The following CAMK2G variants were observed in gnomAD, a reference collection of about 807,000 sequenced individuals.
CAMK2G encodes calcium/calmodulin-dependent protein kinase type II subunit gamma.
Under a neutral mutation model 88.7 loss-of-function variants are expected in CAMK2G, and 23 were observed. The ratio of observed to expected loss-of-function variants is 0.26; its 90% CI spans 0.19 to 0.37. The LOEUF is 0.37. Ranked by LOEUF, CAMK2G falls within the 10% of genes least tolerant of loss-of-function variation. CAMK2G has a pLI of 1.00. For synonymous variants in CAMK2G, 263 were observed against 294.8 expected, an observed-to-expected ratio of 0.89 and a Z score of 1.11; for missense variants, 476 against 780.8, an observed-to-expected ratio of 0.61 and a Z score of 4.65.
chr10:73,839,706 C>T lies in CAMK2G; in HGVS notation c.947-105G>A. The stretch of plus-strand genomic sequence containing the variant: ...GCGCAGCCCAGGCGGCGTGGCCAAG[C>T]CAGCCGAGCTGGGGGAGCGGAGCGC... On this transcript the variant is annotated intron_variant, in intron 12 of 22. Coordinates refer to ENST00000423381, the MANE Select transcript of CAMK2G (RefSeq NM_001367534.1). The surrounding 1 kb of genome is among the most constrained non-coding windows in gnomAD (Gnocchi z 4.2). 1.6e-6 allele frequency: 1 copy of T among 642,928 alleles called. No individual in the cohort carries two copies. The allele number at this position is 642,928 out of a possible 1,614,324, so 39.8% of individuals were successfully genotyped here. A position where few individuals can be genotyped will look rare whatever the true frequency, so the allele number is the denominator to read the frequency against.
intron 14 of CAMK2G, among the ~76,000 whole-genome samples, chr10:73,835,910 C>T (rs1307024545): frequency 1.3e-5 from 2 of 152,212 alleles, no homozygotes. Flanking sequence ...TCTTGGCTCA[C>T]TGCAACCTCC....
intron 21 of CAMK2G, chr10:73,816,616 C>T (rs12262650): frequency 1.3e-5 from 8 of 615,072 alleles, no homozygotes; most frequent in African/African-American, 9.7e-5. Flanking sequence ...ACCGCCACCA[C>T]GCCCGGCTAA....
At position 73,824,322 on chromosome 10, in the gene CAMK2G, A is replaced by C. The variant is rs148181023; in HGVS notation, c.1156-238T>G. On this transcript the variant is annotated intron_variant, in intron 16 of 22. Transcript: ENST00000423381. The stretch of plus-strand genomic sequence containing the variant: ...TAAGAAAGAGAGGCCTGGCAGGTGC[A>C]GGTGCCCAGGAGGCTGACAGCAAGG... Among the ~76,000 whole-genome samples the C allele has an allele frequency of 6.7e-3, 1,024 of 152,310 alleles. 12 individuals are homozygous for C. The highest frequency in any genetic ancestry group is 0.024 in the African/African-American group (983 of 41,562).
chr10:73,874,375 G>C, intron 1 of CAMK2G, 22 bp downstream of exon 1: 1 of 1,469,632 alleles, frequency 6.8e-7, no homozygotes, highest in African/African-American at 1.5e-5. Flanking sequence ...GCAGGCAGGG[G>C]ACCGCGGCGG....
intron 1 of CAMK2G, 42 bp downstream of exon 1, chr10:73,874,355 G>A (rs1488320115): frequency 2.9e-6 from 4 of 1,376,454 alleles, no homozygotes; most frequent in Non-Finnish European, 3.9e-6. Context: ...CATAGCTCCC[G>A]GGCGGCAGGG....
Position 73,848,495 on chromosome 10 carries a change from G to A in CAMK2G, c.601+31C>T. 6.8e-7 allele frequency: 1 copy of A among 1,477,082 alleles called. No homozygotes were observed. The highest frequency in any genetic ancestry group is 9.5e-7 in the Non-Finnish European group (1 of 1,056,988). 91.5% of individuals were successfully genotyped at this position (1,477,082 alleles called of 1,614,324 possible). A position where few individuals can be genotyped will look rare whatever the true frequency, so the allele number is the denominator to read the frequency against. ...CATCGGAAGTTGAGGGCCCTTAACAGCGAAAAGCTGAGAGCGTGGAATGGG... is the reference window on the plus strand; with the variant it reads ...CATCGGAAGTTGAGGGCCCTTAACAACGAAAAGCTGAGAGCGTGGAATGGG... On this transcript the variant is annotated intron_variant, in intron 8 of 22. Coordinates refer to ENST00000423381, the MANE Select transcript of CAMK2G (RefSeq NM_001367534.1). The surrounding 1 kb of genome is among the most constrained non-coding windows in gnomAD (Gnocchi z 4.5).
intron 2 of CAMK2G, among the ~76,000 whole-genome samples, chr10:73,863,913 C>T (rs1591288704): frequency 6.6e-6 from 1 of 152,314 alleles, no homozygotes; most frequent in African/African-American, 2.4e-5. Context: ...TACCTTGATC[C>T]TCATTCTGAT....
intron 21 of CAMK2G, chr10:73,816,183 C>T (rs1390266354): frequency 2.0e-6 from 2 of 985,486 alleles, no homozygotes; most frequent in Non-Finnish European, 2.4e-6. Context: ...GATGATTCAG[C>T]TTCTTATCCC....
Position 73,870,917 on chromosome 10 carries a change from C to T in CAMK2G, c.160+2072G>A, listed in dbSNP as rs186587332. On this transcript the variant is annotated intron_variant, in intron 2 of 22. Transcript: ENST00000423381. ...TCCCATGCCCACACCTATAGTCCAG[C>T]CCCACCTTGTTCCCTCCATCTCCAA... is the stretch of plus-strand genomic sequence containing the variant. Among the ~76,000 whole-genome samples the T allele has an allele frequency of 2.6e-5, 4 of 152,290 alleles. No homozygotes were observed. The East Asian group carries it at 7.7e-4, about 29-fold the overall frequency.
At chr10:73,858,629 A>T (rs1204918991) in intron 3 of CAMK2G, among the ~76,000 whole-genome samples, 1 of 152,182 alleles carries the variant, frequency 6.6e-6, no homozygotes, top group Non-Finnish European at 1.5e-5. Flanking sequence ...AGTTCTAGGA[A>T]ATCAGAGGCC....
intron 2 of CAMK2G, among the ~76,000 whole-genome samples, chr10:73,871,753 G>A (rs1296464608): frequency 6.6e-6 from 1 of 152,168 alleles, no homozygotes; most frequent in Non-Finnish European, 1.5e-5. Context: ...AACAGCAAGA[G>A]ATGGAGCTGG....
chr10:73,857,854 GTTGT>G (rs138594285), intron 3 of CAMK2G, among the ~76,000 whole-genome samples: 34 of 152,306 alleles, frequency 2.2e-4, no homozygotes, highest in South Asian at 6.2e-4. Flanking sequence ...CAGGCATTTT[GTTGT>G]TTGTTTGTTT....
At chr10:73,845,709 C>A (rs1402902235) in intron 10 of CAMK2G, among the ~76,000 whole-genome samples, 2 of 152,058 alleles carry the variant, frequency 1.3e-5, no homozygotes, top group African/African-American at 4.8e-5. Flanking sequence ...TTTGCTCCCC[C>A]CAAATCCAAC....
intron 19 of CAMK2G, 63 bp from the exon 20 acceptor site, chr10:73,817,617 T>C: frequency 9.3e-7 from 1 of 1,075,104 alleles, no homozygotes; most frequent in Non-Finnish European, 1.5e-6. Context: ...CAGAGAGCCC[T>C]CCCCAGTCCT....
intron 3 of CAMK2G, among the ~76,000 whole-genome samples, chr10:73,857,475 A>G (rs1333024414): frequency 6.6e-6 from 1 of 152,210 alleles, no homozygotes; most frequent in Non-Finnish European, 1.5e-5. Context: ...TGGCTTCTCC[A>G]AGTATTGACA....
intron 5 of CAMK2G, among the ~76,000 whole-genome samples, chr10:73,851,111 C>T (rs749802965): frequency 3.9e-5 from 6 of 152,174 alleles, no homozygotes; most frequent in East Asian, 3.9e-4. Context: ...GAATTCTTCC[C>T]GAGGCTGAAG....
intron 2 of CAMK2G, among the ~76,000 whole-genome samples, chr10:73,868,202 C>T (rs1422379902): frequency 1.3e-5 from 2 of 152,198 alleles, no homozygotes; most frequent in African/African-American, 4.8e-5. Flanking sequence ...ATGGGGTCAG[C>T]CACTCACCTC....
At chr10:73,873,968 C>A (rs1027937813) in intron 1 of CAMK2G, among the ~76,000 whole-genome samples, 1 of 150,318 alleles carries the variant, frequency 6.7e-6, no homozygotes, top group African/African-American at 2.4e-5. Context: ...GCCAAACAGC[C>A]CCCCCACGCC....
At position 73,848,876 on chromosome 10, in the gene CAMK2G, T is replaced by C. The variant is rs1435234642; in HGVS notation, c.517+137A>G. 1 of 729,340 alleles carries C rather than the reference T, an allele frequency of 1.4e-6. No homozygotes were observed. The highest frequency in any genetic ancestry group is 2.5e-6 in the Non-Finnish European group (1 of 398,034). 45.2% of individuals were successfully genotyped at this position (729,340 alleles called of 1,614,324 possible). A position where few individuals can be genotyped will look rare whatever the true frequency, so the allele number is the denominator to read the frequency against. ...CTGACAACAGCTAGACTTACTGTAC[T>C]GAGTCGCGTACGGCCAAGAGAGATC... On this transcript the variant is annotated intron_variant, in intron 7 of 22. Coordinates refer to ENST00000423381, the MANE Select transcript of CAMK2G (RefSeq NM_001367534.1). The surrounding 1 kb of genome is among the most constrained non-coding windows in gnomAD (Gnocchi z 4.5).
Sources: gnomAD v4.1 joint callset for allele counts (sites outside exome capture counted in the v4.1 genomes callset) on GRCh38, gnomAD v4.1.1 for gene constraint, Gnocchi (gnomAD v3.1) non-coding constraint, MANE v1.5 for transcripts, NCBI Gene and HGNC (gene_info 2026-07-23, HGNC 2026-07-21) for gene names.